The following USP47 variants were observed in gnomAD, a reference collection of about 807,000 sequenced individuals.
USP47 encodes ubiquitin carboxyl-terminal hydrolase 47.
In USP47, 35 loss-of-function variants were observed where a neutral mutation model predicts 165.1. That is an observed-to-expected ratio of 0.21 (90% CI 0.16 to 0.28). USP47 has a LOEUF of 0.28. USP47 is among the 10% of genes least tolerant of loss of function. The probability of loss-of-function intolerance (pLI) is 1.00; values close to 1 mark genes in which losing one functional copy is unlikely to be tolerated. For missense variants in USP47, 1,277 were observed against 1,607.4 expected, an observed-to-expected ratio of 0.79 and a Z score of 3.52; for synonymous variants, 531 against 544.5, an observed-to-expected ratio of 0.98 and a Z score of 0.35.
Position 11,880,287 on chromosome 11 carries a change from C to T in USP47, c.150C>T (p.Val50=). The T allele has an allele frequency of 1.4e-6, 2 of 1,426,556 alleles. No individual in the cohort carries two copies. The highest frequency in any genetic ancestry group is 1.8e-6 in the Non-Finnish European group (2 of 1,099,642). The allele number at this position is 1,426,556 out of a possible 1,614,324, so 88.4% of individuals were successfully genotyped here. The change falls in exon 2 of 28, where the codon GTC becomes GTT. Residue 50 remains valine (V), a synonymous_variant. Transcript: ENST00000527733. ...TAAATTTACCAGCATCTACTCCAGT[C>T]AGAAAGCTCTTTGAAGATGTGGCCA... ...ITLNLPASTP[V]RKLFEDVANK... is the part of the protein sequence containing the mutation.
rs569744035 is a variant in USP47, at chr11:11,848,633, G to A, written c.39+6409G>A. Among the ~76,000 whole-genome samples the A allele has an allele frequency of 5.6e-3, 794 of 140,866 alleles. 8 individuals are homozygous for A. The highest frequency in any genetic ancestry group is 0.02 in the African/African-American group (754 of 37,872). 92.4% of individuals were successfully genotyped at this position (140,866 alleles called of 152,430 possible). On this transcript the variant is annotated intron_variant, in intron 1 of 27. Transcript: ENST00000527733. ...TTTTTTTTTTTTTTTTTTTTGAGAC[G>A]GAGTCTCACTCTGTCACCCAGGCTG...
At position 11,956,488 on chromosome 11, in the gene USP47, G is replaced by A. The variant is rs185876407; in HGVS notation, c.*313G>A. The A allele has an allele frequency of 5.6e-5, 12 of 212,918 alleles. No homozygotes were observed. The highest frequency in any genetic ancestry group is 8.4e-5 in the Non-Finnish European group (9 of 106,670). 13.2% of individuals were successfully genotyped at this position (212,918 alleles called of 1,614,324 possible). A position where few individuals can be genotyped will look rare whatever the true frequency, so the allele number is the denominator to read the frequency against. On this transcript the variant is annotated 3_prime_UTR_variant, in exon 28 of 28. Transcript: ENST00000527733. ...GGAATGAGTAAACTTCTTTTATTGCGGACAAATGTGCACATAGCCGCTAGT... is the reference window on the plus strand; with the variant it reads ...GGAATGAGTAAACTTCTTTTATTGCAGACAAATGTGCACATAGCCGCTAGT...
intron 8 of USP47, among the ~76,000 whole-genome samples, chr11:11,907,835 C>T (rs940466499): frequency 1.3e-5 from 2 of 152,082 alleles, no homozygotes; most frequent in African/African-American, 4.8e-5. Flanking sequence ...GTGGCTCACA[C>T]CTGTAATCCC....
chr11:11,929,385 G>C, intron 11 of USP47, 49 bp from the exon 12 acceptor site: 1 of 1,593,800 alleles, frequency 6.3e-7, no homozygotes, highest in Non-Finnish European at 8.5e-7. Context: ...ACACAAATAA[G>C]GGTTGTGTTT....
intron 1 of USP47, among the ~76,000 whole-genome samples, chr11:11,874,100 G>C (rs1166469088): frequency 6.6e-6 from 1 of 152,134 alleles, no homozygotes; most frequent in Non-Finnish European, 1.5e-5. Context: ...CCTTTGTTAT[G>C]ATGTTGGGTA....
chr11:11,928,517 A>G (rs1347919973), intron 11 of USP47, among the ~76,000 whole-genome samples: 1 of 152,074 alleles, frequency 6.6e-6, no homozygotes, highest in Admixed American at 6.5e-5. Flanking sequence ...AAAAGAATAA[A>G]GAAGAGAAAC....
chr11:11,956,302 G>T lies in USP47; in HGVS notation c.*127G>T. 2 of 891,782 alleles carry T rather than the reference G, an allele frequency of 2.2e-6. No homozygotes were observed. The highest frequency in any genetic ancestry group is 3.4e-6 in the Non-Finnish European group (2 of 596,988). The allele number at this position is 891,782 out of a possible 1,614,324, so 55.2% of individuals were successfully genotyped here. On this transcript the variant is annotated 3_prime_UTR_variant, in exon 28 of 28. Transcript: ENST00000527733. ...CAGTGACACCAGCACTGATTGGACT[G>T]CCCTACACCAATCAGAAGCTCAGTG...
chr11:11,905,254 A>C (rs1012585191), intron 7 of USP47, 145 bp from the exon 8 acceptor site: 2 of 269,140 alleles, frequency 7.4e-6, no homozygotes, highest in African/African-American at 4.5e-5. Context: ...TATAATAATA[A>C]ATATAGATAA....
Position 11,920,326 on chromosome 11 carries a change from GT to G in USP47, c.1066-14del. On this transcript the variant is annotated splice_polypyrimidine_tract_variant and intron_variant, in intron 9 of 27. Coordinates refer to ENST00000527733, the MANE Select transcript of USP47 (RefSeq NM_001282659.2). ...TATTCAATAGACTCTCCCCCTTTTT[GT>G]TGTTTGTTTTTTAGGGCCTTCGGTT... The G allele has an allele frequency of 6.2e-7, 1 of 1,602,850 alleles. No individual in the cohort carries two copies. Among genetic ancestry groups the G allele is most frequent in the African/African-American group, 1.4e-5 (1 of 74,004 alleles).
At position 11,950,021 on chromosome 11, in the gene USP47, G is replaced by T; in HGVS notation, c.3464+17G>T. ...TATTGACAGGTAAAGTAAAATTAAT[G>T]TCATCAGCGATTTGAAGAAAGACTA... On this transcript the variant is annotated intron_variant, in intron 23 of 27. Transcript: ENST00000527733. 1.3e-6 allele frequency: 2 copies of T among 1,547,486 alleles called. No individual in the cohort carries two copies. The highest frequency in any genetic ancestry group is 1.8e-6 in the Non-Finnish European group (2 of 1,123,880).
At chr11:11,878,621 C>T (rs944732125) in intron 1 of USP47, 4 of 151,840 alleles carry the variant, frequency 2.6e-5, no homozygotes, top group Non-Finnish European at 4.4e-5. Flanking sequence ...TTTTATTTCA[C>T]AGAAATGTAT....
Position 11,883,304 on chromosome 11 carries a change from C to T in USP47, c.244-1163C>T, listed in dbSNP as rs150449638. Among the ~76,000 whole-genome samples the T allele has an allele frequency of 2.2e-4, 33 of 152,304 alleles. No homozygotes were observed. The East Asian group carries it at 6.0e-3, about 28-fold the overall frequency. On this transcript the variant is annotated intron_variant, in intron 2 of 27. Transcript: ENST00000527733. Reference sequence around the variant, plus strand: ...TTTTATTTACTTAACACGTCTTTTGCACTTACTGTGTTTATAGTATTCTAA... The same window carrying T: ...TTTTATTTACTTAACACGTCTTTTGTACTTACTGTGTTTATAGTATTCTAA...
rs148184272 is a variant in USP47, at chr11:11,940,961, A to G, written c.2313+413A>G. The stretch of plus-strand genomic sequence containing the variant: ...GCTTCATGGTGAGGGTCAGAGGCAT[A>G]CCTGGTATAGAGAAAATTATAATCT... On this transcript the variant is annotated intron_variant, in intron 19 of 27. Coordinates refer to ENST00000527733, the MANE Select transcript of USP47 (RefSeq NM_001282659.2). Among the ~76,000 whole-genome samples, 39 of 152,012 alleles carry G rather than the reference A, an allele frequency of 2.6e-4. No individual in the cohort carries two copies. In the East Asian group the frequency reaches 4.9e-3, roughly 19 times the overall value.
intron 8 of USP47, among the ~76,000 whole-genome samples, chr11:11,911,394 A>T (rs1852971762): frequency 6.6e-6 from 1 of 152,166 alleles, no homozygotes; most frequent in African/African-American, 2.4e-5. Flanking sequence ...AAAGGCATAA[A>T]CCTACAGATC....
chr11:11,848,661 G>C (rs1848559807), intron 1 of USP47, among the ~76,000 whole-genome samples: 1 of 144,854 alleles, frequency 6.9e-6, no homozygotes, highest in Non-Finnish European at 1.5e-5. Context: ...CCAGGCTGGA[G>C]TGCAGTGGTG....
chr11:11,873,763 A>T, intron 1 of USP47: 1 of 1,222,682 alleles, frequency 8.2e-7, no homozygotes. Context: ...ATTTTATATA[A>T]ATAATTTGTA....
intron 22 of USP47, 58 bp downstream of exon 22, chr11:11,948,616 G>T (rs990976607): frequency 7.0e-7 from 1 of 1,437,840 alleles, no homozygotes; most frequent in South Asian, 1.2e-5. Context: ...TGAAAACATA[G>T]AATATATTTT....
chr11:11,933,952 C>T lies in USP47; in HGVS notation c.1869+17C>T, dbSNP rs758683047. 6.5e-7 allele frequency: 1 copy of T among 1,544,902 alleles called. No homozygotes were observed. The highest frequency in any genetic ancestry group is 8.9e-7 in the Non-Finnish European group (1 of 1,121,580). ...GCTTATAAGGTATGTTTAATTGCATCATTGGCATTTACTTACTAATACAAC... is the reference window on the plus strand; with the variant it reads ...GCTTATAAGGTATGTTTAATTGCATTATTGGCATTTACTTACTAATACAAC... On this transcript the variant is annotated intron_variant, in intron 16 of 27. Coordinates refer to ENST00000527733, the MANE Select transcript of USP47 (RefSeq NM_001282659.2).
intron 5 of USP47, among the ~76,000 whole-genome samples, chr11:11,902,370 G>A (rs919732897): frequency 2.6e-5 from 4 of 152,080 alleles, no homozygotes; most frequent in Admixed American, 1.3e-4. Flanking sequence ...AGTATCTCAC[G>A]TAATAGTATT....
Sources: gnomAD v4.1 joint callset for allele counts (sites outside exome capture counted in the v4.1 genomes callset) on GRCh38, gnomAD v4.1.1 for gene constraint, MANE v1.5 for transcripts, NCBI Gene and HGNC (gene_info 2026-07-23, HGNC 2026-07-21) for gene names.